Variants in CLIC4 observed in about 807,000 individuals in gnomAD.
CLIC4 encodes the protein CLIC family member 4.
In CLIC4, 13 loss-of-function variants were observed where a neutral mutation model predicts 24.6. The observed-to-expected ratio is 0.53, with a 90% CI of 0.34 to 0.84. The LOEUF (loss-of-function observed/expected upper bound fraction) is 0.84, where lower values mean the gene tolerates loss of function less well. Among genes scored for constraint, CLIC4 ranks in the 40% least tolerant of loss-of-function variants. CLIC4 has a pLI of 0.01. For synonymous variants in CLIC4, 104 were observed against 111.3 expected (o/e 0.93, Z 0.41); for missense variants, 227 against 301.7 (o/e 0.75, Z 1.83).
At position 24,810,346 on chromosome 1, in the gene CLIC4, A is replaced by C. The variant is rs141370679; in HGVS notation, c.183-3748A>C. ...AACAGTCCCCCACCTGTGTCTGGTA[A>C]AAATACCATTCAGCTGAAAGGTAGA... On this transcript the variant is annotated intron_variant, in intron 2 of 5. Transcript: ENST00000374379. Among the ~76,000 whole-genome samples, 347 of 152,294 alleles carry C rather than the reference A, an allele frequency of 2.3e-3. 3 individuals carry two copies. The highest frequency in any genetic ancestry group is 8.7e-3 in the South Asian group (42 of 4,826).
intron 1 of CLIC4, among the ~76,000 whole-genome samples, chr1:24,791,706 T>C (rs1373201691): frequency 1.3e-5 from 2 of 152,010 alleles, no homozygotes; most frequent in Non-Finnish European, 2.9e-5. Flanking sequence ...TGAAACACTG[T>C]CTCTAATAAA....
At chr1:24,781,063 G>A (rs1243904739) in intron 1 of CLIC4, among the ~76,000 whole-genome samples, 3 of 145,396 alleles carry the variant, frequency 2.1e-5, no homozygotes, top group Admixed American at 1.4e-4. Context: ...CTCCAGCCTC[G>A]GCAACAAGAG....
intron 1 of CLIC4, among the ~76,000 whole-genome samples, chr1:24,772,520 C>CGAGA (rs370443424): frequency 4.4e-4 from 67 of 152,308 alleles, no homozygotes; most frequent in Middle Eastern, 3.4e-3. Context: ...GAGTCTTGCT[C>CGAGA]TCTCGCCCAG....
At chr1:24,792,799 A>G (rs1441633607) in intron 1 of CLIC4, among the ~76,000 whole-genome samples, 1 of 152,218 alleles carries the variant, frequency 6.6e-6, no homozygotes, top group Non-Finnish European at 1.5e-5. Context: ...ATTTTAGAGA[A>G]AGGAGGCAGT....
In CLIC4 at chr1:24,798,664, C is replaced by T. The variant is rs530317023; in HGVS notation, c.182+813C>T. Among the ~76,000 whole-genome samples, 9 of 151,428 alleles carry T rather than the reference C, an allele frequency of 5.9e-5. No individual in the cohort carries two copies. In the South Asian group the frequency reaches 1.9e-3, roughly 31 times the overall value. On this transcript the variant is annotated intron_variant, in intron 2 of 5. Coordinates refer to ENST00000374379, the MANE Select transcript of CLIC4 (RefSeq NM_013943.3). ...CTCTCCCCACGGTGTCCCTCTCTTT[C>T]CACGGTCTCCCTCTCTTTCCACGGT...
At chr1:24,776,123 G>A (rs942619340) in intron 1 of CLIC4, among the ~76,000 whole-genome samples, 4 of 152,102 alleles carry the variant, frequency 2.6e-5, no homozygotes, top group African/African-American at 9.7e-5. Flanking sequence ...ACGGATCAGC[G>A]AGAGATTTAG....
At chr1:24,774,121 C>A (rs1639103495) in intron 1 of CLIC4, among the ~76,000 whole-genome samples, 1 of 151,884 alleles carries the variant, frequency 6.6e-6, no homozygotes. Context: ...TACAGGTGCA[C>A]ACTGCGACAC....
At chr1:24,746,223 T>C (rs1359247247) in intron 1 of CLIC4, among the ~76,000 whole-genome samples, 1 of 152,270 alleles carries the variant, frequency 6.6e-6, no homozygotes, top group Non-Finnish European at 1.5e-5. Flanking sequence ...TCCCAACTTG[T>C]GTTTTTCTGT....
At chr1:24,814,379 A>G (rs993659697) in intron 3 of CLIC4, among the ~76,000 whole-genome samples, 160 bp downstream of exon 3, 5 of 152,238 alleles carry the variant, frequency 3.3e-5, no homozygotes, top group Non-Finnish European at 7.3e-5. Context: ...ATTGGCTTCC[A>G]GCTAGGCCAA....
chr1:24,823,847 C>T (rs192578275), intron 3 of CLIC4, among the ~76,000 whole-genome samples: 10 of 151,124 alleles, frequency 6.6e-5, no homozygotes, highest in African/African-American at 2.4e-4. Context: ...TATATTTACA[C>T]CAGAAAGGAG....
intron 3 of CLIC4, among the ~76,000 whole-genome samples, chr1:24,826,230 C>T (rs1048359078): frequency 5.3e-5 from 8 of 152,134 alleles, no homozygotes; most frequent in African/African-American, 1.9e-4. Context: ...TGCTTTCTGA[C>T]ATCTCATTTT....
chr1:24,823,598 C>T (rs1639756287), intron 3 of CLIC4, among the ~76,000 whole-genome samples: 1 of 152,090 alleles, frequency 6.6e-6, no homozygotes, highest in South Asian at 2.1e-4. Context: ...CATGGTGAAA[C>T]CCTGTTTCTA....
In CLIC4 at chr1:24,843,466, T is replaced by C. The variant is rs1639963201; in HGVS notation, c.*2529T>C. 1 of 152,170 alleles carries C rather than the reference T, an allele frequency of 6.6e-6. No homozygotes were observed. The highest frequency in any genetic ancestry group is 2.1e-4 in the South Asian group (1 of 4,834). 9.4% of individuals were successfully genotyped at this position (152,170 alleles called of 1,614,324 possible). ...AAACACCTTTTGTGTTTTACTTCAG[T>C]GAGGAGATTGGAGTCTGAATGGATC... On this transcript the variant is annotated 3_prime_UTR_variant, in exon 6 of 6. Transcript: ENST00000374379.
rs530542281 is a variant in CLIC4 at position 24,816,950 on chromosome 1, G to C, written c.308+2731G>C. Reference sequence around the variant, plus strand: ...GAGTAGCTTCAGTATAATTCTTAAGGGTTCTTCAAATTTTGGAATGGAAGA... The same window carrying C: ...GAGTAGCTTCAGTATAATTCTTAAGCGTTCTTCAAATTTTGGAATGGAAGA... On this transcript the variant is annotated intron_variant, in intron 3 of 5. Coordinates refer to ENST00000374379, the MANE Select transcript of CLIC4 (RefSeq NM_013943.3). 4.6e-5 allele frequency among the ~76,000 whole-genome samples: 7 copies of C among 152,232 alleles called. No individual in the cohort carries two copies. The East Asian group carries it at 1.4e-3, about 29-fold the overall frequency.
chr1:24,767,887 A>G (rs1327756415), intron 1 of CLIC4, among the ~76,000 whole-genome samples: 4 of 151,888 alleles, frequency 2.6e-5, no homozygotes, highest in Non-Finnish European at 2.9e-5. Flanking sequence ...TCTGTCGCCC[A>G]GGCTGGAGTG....
chr1:24,785,321 G>C (rs1340999132), intron 1 of CLIC4, among the ~76,000 whole-genome samples: 1 of 152,122 alleles, frequency 6.6e-6, no homozygotes, highest in Non-Finnish European at 1.5e-5. Context: ...GCCAGGAACT[G>C]TGTGTATCCT....
At chr1:24,768,916 A>G (rs1571234903) in intron 1 of CLIC4, among the ~76,000 whole-genome samples, 1 of 151,848 alleles carries the variant, frequency 6.6e-6, no homozygotes, top group Non-Finnish European at 1.5e-5. Context: ...AAAAAAAAAA[A>G]AAAAGAAAAA....
intron 2 of CLIC4, among the ~76,000 whole-genome samples, chr1:24,805,024 G>A (rs564947825): frequency 2.7e-5 from 4 of 148,848 alleles, no homozygotes; most frequent in African/African-American, 4.9e-5. Context: ...GCTTGAATCC[G>A]GGAGGTGGAG....
chr1:24,799,583 C>A (rs865979843), intron 2 of CLIC4, among the ~76,000 whole-genome samples: 4 of 149,700 alleles, frequency 2.7e-5, no homozygotes, highest in Non-Finnish European at 4.4e-5. Context: ...CCAGCCGCCC[C>A]GTCGGGGAGG....
Sources: allele counts gnomAD v4.1 joint callset (sites outside exome capture counted in the v4.1 genomes callset), GRCh38; gene constraint gnomAD v4.1.1; transcripts MANE v1.5; gene names NCBI Gene and HGNC (gene_info 2026-07-23, HGNC 2026-07-21).